Variants in ATXN7 observed in about 807,000 individuals in gnomAD.
ATXN7 encodes the protein ataxin 7, also known as ataxin-7.
ATXN7 carries 12 observed loss-of-function variants against 70.5 expected under a neutral mutation model. The ratio of observed to expected loss-of-function variants is 0.17; its 90% CI spans 0.11 to 0.28. The LOEUF (loss-of-function observed/expected upper bound fraction) is 0.28. ATXN7 is among the 10% of genes least tolerant of loss of function. The pLI is 1.00. For missense variants in ATXN7, 1,256 were observed against 1,131.7 expected (o/e 1.11, Z -1.58); for synonymous variants, 498 against 448.7 (o/e 1.11, Z -1.39).
At chr3:63,905,029 T>TA (rs1454149456) in intron 2 of ATXN7, 1 of 152,204 alleles carries the variant, frequency 6.6e-6, no homozygotes, top group African/African-American at 2.4e-5. Context: ...GTTAATTTAC[T>TA]GGGCTGCGTT....
Position 63,988,090 on chromosome 3 carries a change from A to G in ATXN7, c.1127A>G (p.Gln376Arg), listed in dbSNP as rs757330737. The change falls in exon 9 of 13, where the codon CAG becomes CGG. Residue 376 changes from glutamine (Q) to arginine (R), a missense_variant. Physicochemically the swap from Gln to Arg is conservative, Grantham distance 43. Coordinates refer to ENST00000674280, the MANE Select transcript of ATXN7 (RefSeq NM_001377405.1). ...TCCTTAACCCAGCGCAGGGCTGTCC[A>G]GGGTAGAAGAAAACGATTTGATGTG... Reference protein sequence around the residue: ...THSLTQRRAVQGRRKRFDVLL... With the variant: ...THSLTQRRAVRGRRKRFDVLL... 5.0e-6 allele frequency: 8 copies of G among 1,614,146 alleles called. No homozygotes were observed. The highest frequency in any genetic ancestry group is 6.8e-6 in the Non-Finnish European group (8 of 1,180,024).
At chr3:63,964,908 A>G (rs1420547709) in intron 5 of ATXN7, among the ~76,000 whole-genome samples, 1 of 152,172 alleles carries the variant, frequency 6.6e-6, no homozygotes, top group Non-Finnish European at 1.5e-5. Flanking sequence ...GGCCAATTAT[A>G]ACTCACCCGG....
Position 63,990,374 on chromosome 3 carries a change from T to C in ATXN7, c.1560T>C (p.Ser520=), listed in dbSNP as rs539116634. 1 of 1,614,140 alleles carries C rather than the reference T, an allele frequency of 6.2e-7. No individual in the cohort carries two copies. Among genetic ancestry groups the C allele is most frequent in the Admixed American group, 1.7e-5 (1 of 60,028 alleles). Residue 520 remains serine (S), a splice_region_variant and synonymous_variant, in exon 10 of 13, where the codon TCT becomes TCC. Transcript: ENST00000674280. ...HYSGHHPQPA[S]FCTFGSRQIG... is the part of the protein sequence containing the mutation. ...CAGGTCATCATCCTCAGCCAGCATC[T>C]GTAAGTTCCACGTCCACCCCCGCGT...
chr3:63,885,974 G>A (rs1443316304), intron 1 of ATXN7, among the ~76,000 whole-genome samples: 1 of 152,138 alleles, frequency 6.6e-6, no homozygotes, highest in Admixed American at 6.6e-5. Context: ...CTGGGATCAC[G>A]CCACTATACT....
Position 63,883,105 on chromosome 3 carries a change from C to T in ATXN7, c.-110-15294C>T, listed in dbSNP as rs761815156. 2.6e-3 allele frequency among the ~76,000 whole-genome samples: 401 copies of T among 152,302 alleles called. 3 individuals carry two copies. In the Middle Eastern group the frequency reaches 0.027, roughly 10 times the overall value. ...GGCTTGGCTTACCTTCCATCAACCTCAGCAGTTCTGCTGGAAGGGAAAAAT... is the reference window on the plus strand; with the variant it reads ...GGCTTGGCTTACCTTCCATCAACCTTAGCAGTTCTGCTGGAAGGGAAAAAT... On this transcript the variant is annotated intron_variant, in intron 1 of 12. Transcript: ENST00000674280.
chr3:63,919,059 A>T (rs1704401757), intron 4 of ATXN7, among the ~76,000 whole-genome samples: 2 of 152,052 alleles, frequency 1.3e-5, no homozygotes, highest in South Asian at 2.1e-4. Flanking sequence ...TGTAGCAGGG[A>T]CTTTTCCCCA....
At chr3:63,998,488 A>G in intron 12 of ATXN7, 5 of 985,156 alleles carry the variant, frequency 5.1e-6, no homozygotes, top group Non-Finnish European at 6.0e-6. Context: ...GATTTTTACC[A>G]TGTAGTGGCA....
chr3:63,959,419 G>C (rs1376040438), intron 5 of ATXN7, among the ~76,000 whole-genome samples: 1 of 152,188 alleles, frequency 6.6e-6, no homozygotes, highest in Admixed American at 6.5e-5. Flanking sequence ...GTGGACATTA[G>C]TTTAACTCTG....
In ATXN7 at chr3:63,863,972, C is replaced by T; in HGVS notation, c.-297C>T. On this transcript the variant is annotated 5_prime_UTR_variant, in exon 1 of 13. Transcript: ENST00000674280. Reference sequence around the variant, plus strand: ...CGCCGCGCCGCCGCCGCCGCCGCCGCCGCCGCGGGACCCGCGCTCCCCGCG... The same window carrying T: ...CGCCGCGCCGCCGCCGCCGCCGCCGTCGCCGCGGGACCCGCGCTCCCCGCG... 1.0e-5 allele frequency: 1 copy of T among 95,640 alleles called. No homozygotes were observed. The highest frequency in any genetic ancestry group is 2.3e-5 in the Non-Finnish European group (1 of 44,378). The allele number at this position is 95,640 out of a possible 1,614,324, so 5.9% of individuals were successfully genotyped here.
At chr3:63,920,194 A>G (rs1301356776) in intron 4 of ATXN7, among the ~76,000 whole-genome samples, 1 of 152,170 alleles carries the variant, frequency 6.6e-6, no homozygotes, top group African/African-American at 2.4e-5. Context: ...CAATTCATGG[A>G]GACCATGCAC....
chr3:63,879,681 G>A (rs562360564), intron 1 of ATXN7, among the ~76,000 whole-genome samples: 2 of 151,718 alleles, frequency 1.3e-5, no homozygotes, highest in South Asian at 2.1e-4. Context: ...TAGTAGAGAC[G>A]GGGTTTCACT....
chr3:63,932,507 C>G (rs557890713), intron 4 of ATXN7, among the ~76,000 whole-genome samples: 5 of 152,158 alleles, frequency 3.3e-5, no homozygotes, highest in Non-Finnish European at 7.4e-5. Flanking sequence ...TTCTAATACT[C>G]TCATATAATA....
chr3:63,990,107 G>C, intron 9 of ATXN7, 69 bp from the exon 10 acceptor site: 2 of 1,482,382 alleles, frequency 1.3e-6, no homozygotes, highest in Non-Finnish European at 1.9e-6. Context: ...ACACACTGTT[G>C]TATCTCAGTT....
At chr3:63,998,084 G>A (rs1430123027) in intron 12 of ATXN7, 19 of 985,056 alleles carry the variant, frequency 1.9e-5, no homozygotes, top group Admixed American at 1.2e-4. Flanking sequence ...TGATCCCCAC[G>A]GAAGGGGCAT....
At chr3:63,927,807 C>G (rs1704776699) in intron 4 of ATXN7, among the ~76,000 whole-genome samples, 1 of 152,100 alleles carries the variant, frequency 6.6e-6, no homozygotes, top group Admixed American at 6.5e-5. Context: ...GACTCGGTGT[C>G]TGCTGTAGAT....
intron 12 of ATXN7, 59 bp from the exon 13 acceptor site, chr3:63,999,391 G>A: frequency 7.5e-7 from 1 of 1,326,992 alleles, no homozygotes; most frequent in Non-Finnish European, 1.1e-6. Context: ...TCAATAGAGT[G>A]CAGTGTACAA....
intron 2 of ATXN7, among the ~76,000 whole-genome samples, chr3:63,899,726 G>C (rs926278302): frequency 1.3e-5 from 2 of 152,108 alleles, no homozygotes; most frequent in Non-Finnish European, 2.9e-5. Context: ...CAATTCTGCC[G>C]CCTCAGCCTC....
intron 2 of ATXN7, among the ~76,000 whole-genome samples, chr3:63,900,071 G>A (rs377013491): frequency 6.6e-6 from 1 of 151,816 alleles, no homozygotes; most frequent in Non-Finnish European, 1.5e-5. Flanking sequence ...GCGGCAGCAA[G>A]ACCCCATGTT....
At chr3:63,865,847 A>ATCC (rs1372382588) in intron 1 of ATXN7, among the ~76,000 whole-genome samples, 1 of 129,672 alleles carries the variant, frequency 7.7e-6, no homozygotes, top group Non-Finnish European at 1.6e-5. Context: ...GTGAGCCCAG[A>ATCC]TCCCGCCACT....
Sources: allele counts gnomAD v4.1 joint callset (sites outside exome capture counted in the v4.1 genomes callset), GRCh38; gene constraint gnomAD v4.1.1; transcripts MANE v1.5; gene names NCBI Gene and HGNC (gene_info 2026-07-23, HGNC 2026-07-21).